Variants in IL33 observed in about 807,000 individuals in gnomAD.
IL33 encodes the protein interleukin 33.
Under a neutral mutation model 27.3 loss-of-function variants are expected in IL33, and 37 were observed. The observed-to-expected ratio is 1.36, with a 90% CI of 1.04 to 1.78. The LOEUF (loss-of-function observed/expected upper bound fraction) is 1.78. Ranked by LOEUF, IL33 falls within the 40% of genes most tolerant of loss-of-function variation. The pLI is 0.00. For missense variants in IL33, 406 were observed against 311.4 expected, an observed-to-expected ratio of 1.30 and a Z score of -2.29; for synonymous variants, 132 against 102.9, an observed-to-expected ratio of 1.28 and a Z score of -1.71.
At chr9:6,247,258 A>G (rs889784993) in intron 2 of IL33, among the ~76,000 whole-genome samples, 1 of 152,216 alleles carries the variant, frequency 6.6e-6, no homozygotes, top group East Asian at 1.9e-4. Flanking sequence ...GACAAGGTGC[A>G]GTAGTCAGAG....
At chr9:6,252,064 AACCCAACAAAAAACAAAACAAAAC>A in intron 4 of IL33, among the ~76,000 whole-genome samples, 1 of 123,618 alleles carries the variant, frequency 8.1e-6, no homozygotes, top group East Asian at 2.6e-4. Flanking sequence ...AACAAAAAAA[AACCCAACAAAAAACAAAACAAAAC>A]AAAAAAACCA....
At chr9:6,241,104 A>C (rs533975275) in intron 1 of IL33, among the ~76,000 whole-genome samples, 4 of 152,282 alleles carry the variant, frequency 2.6e-5, no homozygotes, top group South Asian at 2.1e-4. Context: ...AATAACATGC[A>C]TGGAGCTGTC....
intron 2 of IL33, among the ~76,000 whole-genome samples, chr9:6,248,051 G>A (rs900598350): frequency 6.6e-6 from 1 of 151,974 alleles, no homozygotes; most frequent in African/African-American, 2.4e-5. Flanking sequence ...ACGTTCCCAT[G>A]TGATGCTGAC....
intron 1 of IL33, among the ~76,000 whole-genome samples, chr9:6,240,807 A>G (rs1328296988): frequency 6.6e-6 from 1 of 152,130 alleles, no homozygotes; most frequent in African/African-American, 2.4e-5. Context: ...TAACTTTTTT[A>G]CTTTATAAAC....
chr9:6,250,272 G>A (rs1257917494), intron 2 of IL33, among the ~76,000 whole-genome samples: 4 of 151,688 alleles, frequency 2.6e-5, no homozygotes, highest in Admixed American at 6.6e-5. Context: ...TCTCTTCTGG[G>A]GTGCTACATA....
At chr9:6,248,337 G>C (rs958599997) in intron 2 of IL33, among the ~76,000 whole-genome samples, 5 of 148,302 alleles carry the variant, frequency 3.4e-5, no homozygotes, top group African/African-American at 9.9e-5. Context: ...CTCCGGAGAG[G>C]TCGGATCTTT....
At chr9:6,219,020 C>T (rs998830048) in intron 1 of IL33, among the ~76,000 whole-genome samples, 15 of 146,034 alleles carry the variant, frequency 1.0e-4, no homozygotes, top group Non-Finnish European at 2.2e-4. Flanking sequence ...CAGACTGTGC[C>T]AAAATCAATG....
rs769977688 is a variant in IL33 at position 6,254,465 on chromosome 9, A to G, written c.524A>G (p.Asp175Gly). The G allele has an allele frequency of 6.4e-7, 1 of 1,572,670 alleles. No homozygotes were observed. The highest frequency in any genetic ancestry group is 1.8e-5 in the Admixed American group (1 of 56,668). Residue 175 changes from aspartate (D) to glycine (G), a missense_variant, in exon 7 of 8, where the codon GAC becomes GGC. By Grantham distance (94) the Asp-to-Gly change is moderately conservative. Transcript: ENST00000682010. Reference sequence around the variant, plus strand: ...TTTATACTTTCTTAATTGTAAGGTGACGGTGTTGATGGTAAGATGTTAATG... The same window carrying G: ...TTTATACTTTCTTAATTGTAAGGTGGCGGTGTTGATGGTAAGATGTTAATG... ...ESQHPSNESG[D>G]GVDGKMLMVT...
At chr9:6,253,197 GAAGAATGCTGACAT>G (rs1816512360) in intron 5 of IL33, among the ~76,000 whole-genome samples, 1 of 152,162 alleles carries the variant, frequency 6.6e-6, no homozygotes, top group Non-Finnish European at 1.5e-5. Flanking sequence ...GTTCATCAGA[GAAGAATGCTGACAT>G]TGAAATGCAG....
intron 1 of IL33, among the ~76,000 whole-genome samples, chr9:6,232,256 T>G (rs1160858516): frequency 3.3e-5 from 5 of 152,190 alleles, no homozygotes; most frequent in Non-Finnish European, 5.9e-5. Flanking sequence ...GGGTGCTCAA[T>G]ATTTGTTGGA....
At chr9:6,218,884 T>A (rs1402568666) in intron 1 of IL33, among the ~76,000 whole-genome samples, 1 of 110,994 alleles carries the variant, frequency 9.0e-6, no homozygotes, top group East Asian at 2.5e-4. Flanking sequence ...GTTCTCCATA[T>A]ATATATATGT....
chr9:6,220,660 T>C lies in IL33; in HGVS notation c.-12+4808T>C, dbSNP rs938293831. Among the ~76,000 whole-genome samples the C allele has an allele frequency of 2.8e-4, 42 of 152,198 alleles. 1 individual carries two copies. Among genetic ancestry groups the C allele is most frequent in the Admixed American group, 6.5e-5 (1 of 15,276 alleles). ...ATTTTTCCATTATCTCTTATACATA[T>C]ATATTATTTGTCCACATTCTTTAGC... is the stretch of plus-strand genomic sequence containing the variant. On this transcript the variant is annotated intron_variant, in intron 1 of 7. Coordinates refer to ENST00000682010, the MANE Select transcript of IL33 (RefSeq NM_033439.4).
chr9:6,254,361 T>C, intron 6 of IL33, 101 bp from the exon 7 acceptor site: 1 of 661,026 alleles, frequency 1.5e-6, no homozygotes, highest in Non-Finnish European at 2.4e-6. Flanking sequence ...AAGTAATTAT[T>C]TTATGTAACA....
chr9:6,251,850 G>A (rs939022841), intron 4 of IL33, among the ~76,000 whole-genome samples: 4 of 151,428 alleles, frequency 2.6e-5, no homozygotes, highest in Non-Finnish European at 5.9e-5. Context: ...CACCAGCCTG[G>A]CCAACATGGC....
At chr9:6,251,860 C>T (rs1333239090) in intron 4 of IL33, among the ~76,000 whole-genome samples, 2 of 151,176 alleles carry the variant, frequency 1.3e-5, no homozygotes, top group Non-Finnish European at 3.0e-5. Flanking sequence ...GCCAACATGG[C>T]GAAACCCTGT....
At chr9:6,222,875 T>C (rs905143397) in intron 1 of IL33, among the ~76,000 whole-genome samples, 3 of 152,148 alleles carry the variant, frequency 2.0e-5, no homozygotes, top group African/African-American at 4.8e-5. Context: ...ACTTTATGAG[T>C]AGAATGTTAA....
chr9:6,256,342 T>A lies in IL33; in HGVS notation c.*174T>A. ...TTTTTTCTAATCCTCCAGTTATTCT[T>A]TTATTTCCCTCTGTATAACTGCATC... On this transcript the variant is annotated 3_prime_UTR_variant, in exon 8 of 8. Transcript: ENST00000682010. The A allele has an allele frequency of 1.7e-6, 1 of 588,570 alleles. No individual in the cohort carries two copies. The highest frequency in any genetic ancestry group is 3.0e-6 in the Non-Finnish European group (1 of 334,860). 36.5% of individuals were successfully genotyped at this position (588,570 alleles called of 1,614,324 possible). A position where few individuals can be genotyped will look rare whatever the true frequency, so the allele number is the denominator to read the frequency against.
chr9:6,246,062 CCAA>C (rs1819825850), intron 2 of IL33, among the ~76,000 whole-genome samples: 2 of 31,230 alleles, frequency 6.4e-5, no homozygotes, highest in South Asian at 2.0e-3. Flanking sequence ...GACTCTGTCT[CCAA>C]AAAAAAAAAA....
intron 1 of IL33, among the ~76,000 whole-genome samples, chr9:6,228,426 T>C (rs980238790): frequency 6.6e-6 from 1 of 152,250 alleles, no homozygotes; most frequent in Non-Finnish European, 1.5e-5. Flanking sequence ...TCCAATTTTA[T>C]GTAAAATGCA....
Sources: allele counts gnomAD v4.1 joint callset (sites outside exome capture counted in the v4.1 genomes callset), GRCh38; gene constraint gnomAD v4.1.1; transcripts MANE v1.5; gene names NCBI Gene and HGNC (gene_info 2026-07-23, HGNC 2026-07-21).